PCBD2: variants seen among roughly 807,000 people sequenced by gnomAD.
PCBD2 encodes pterin-4 alpha-carbinolamine dehydratase 2.
PCBD2 carries 12 observed loss-of-function variants against 16.4 expected under a neutral mutation model. The observed-to-expected ratio is 0.73, with a 90% CI of 0.47 to 1.19. PCBD2 has a LOEUF of 1.19. PCBD2 is among the 50% of genes most tolerant of loss of function. PCBD2 has a pLI of 0.00. For synonymous variants in PCBD2, 58 were observed against 61.8 expected (o/e 0.94, Z 0.29); for missense variants, 138 against 156.8 (o/e 0.88, Z 0.64).
In PCBD2 at chr5:134,906,194, A is replaced by ATTTTT. The variant is rs1158334317; in HGVS notation, c.84+994_84+998dup. 1.3e-3 allele frequency among the ~76,000 whole-genome samples: 86 copies of ATTTTT among 66,524 alleles called. 8 individuals are homozygous for ATTTTT. The highest frequency in any genetic ancestry group is 5.4e-3 in the African/African-American group (79 of 14,664). 43.6% of individuals were successfully genotyped at this position (66,524 alleles called of 152,430 possible). ...TGGCCTGAAATTCTTTAATAGAAGA[A>ATTTTT]TTTTTTTTTTTTTTTTTTTTTTTTT... On this transcript the variant is annotated intron_variant, in intron 1 of 3. Transcript: ENST00000254908.
intron 1 of PCBD2, among the ~76,000 whole-genome samples, chr5:134,908,238 T>G (rs1750721869): frequency 1.3e-5 from 2 of 151,390 alleles, no homozygotes; most frequent in Non-Finnish European, 3.0e-5. Flanking sequence ...AATGTTTTTT[T>G]TTTTTTTTTT....
intron 2 of PCBD2, 22 bp from the exon 3 acceptor site, chr5:134,959,018 C>A (rs1371115324): frequency 8.1e-6 from 13 of 1,599,576 alleles, no homozygotes; most frequent in African/African-American, 1.3e-5. Context: ...TCAGTAATTA[C>A]TCTTGACTTC....
chr5:134,957,234 G>C (rs1317211377), intron 2 of PCBD2, among the ~76,000 whole-genome samples: 1 of 152,180 alleles, frequency 6.6e-6, no homozygotes, highest in Non-Finnish European at 1.5e-5. Context: ...ACTCCAGCCT[G>C]GGCAGCAGAG....
chr5:134,925,486 G>T (rs1047582230), intron 2 of PCBD2: 16 of 398,450 alleles, frequency 4.0e-5, no homozygotes, highest in Middle Eastern at 6.2e-4. Flanking sequence ...GTGCAGGAAT[G>T]CTAGGTGTGG....
chr5:134,924,416 G>A, intron 2 of PCBD2: 1 of 397,010 alleles, frequency 2.5e-6, no homozygotes, highest in Non-Finnish European at 4.4e-6. Context: ...GGTTGGTGAT[G>A]GAAGTAGGAT....
At chr5:134,934,959 A>G (rs1049040977) in intron 2 of PCBD2, among the ~76,000 whole-genome samples, 1 of 152,258 alleles carries the variant, frequency 6.6e-6, no homozygotes, top group African/African-American at 2.4e-5. Flanking sequence ...TTTGCTTCAT[A>G]ACTATATTTT....
At chr5:134,943,030 G>A (rs942510980) in intron 2 of PCBD2, among the ~76,000 whole-genome samples, 2 of 152,210 alleles carry the variant, frequency 1.3e-5, no homozygotes, top group African/African-American at 4.8e-5. Context: ...GGTCAGTTCT[G>A]TAACAAGCAT....
intron 2 of PCBD2, among the ~76,000 whole-genome samples, chr5:134,948,258 C>G (rs1751321197): frequency 6.6e-6 from 1 of 152,190 alleles, no homozygotes; most frequent in African/African-American, 2.4e-5. Flanking sequence ...TGAATTTAAA[C>G]TTAGGTGCAG....
chr5:134,918,146 C>T (rs563732565), intron 2 of PCBD2, among the ~76,000 whole-genome samples: 2 of 152,234 alleles, frequency 1.3e-5, no homozygotes, highest in South Asian at 2.1e-4. Flanking sequence ...GATATTCTAC[C>T]TGTGGAGGAT....
chr5:134,908,298 C>T (rs1750723146), intron 1 of PCBD2, among the ~76,000 whole-genome samples: 2 of 146,570 alleles, frequency 1.4e-5, no homozygotes, highest in Admixed American at 7.1e-5. Context: ...GGATTACAGG[C>T]GTGTGCCACC....
chr5:134,913,780 G>A (rs1274270295), intron 2 of PCBD2, among the ~76,000 whole-genome samples: 9 of 152,050 alleles, frequency 5.9e-5, no homozygotes, highest in Non-Finnish European at 1.3e-4. Flanking sequence ...AGAAATGTAG[G>A]GTTCCACATA....
At chr5:134,914,675 AT>A (rs1011685274) in intron 2 of PCBD2, among the ~76,000 whole-genome samples, 81 of 142,966 alleles carry the variant, frequency 5.7e-4, no homozygotes, top group Non-Finnish European at 5.4e-4. Flanking sequence ...GACATCATCT[AT>A]TTTTTTTTTT....
intron 2 of PCBD2, chr5:134,926,659 A>G (rs1751002235): frequency 7.6e-6 from 3 of 396,888 alleles, no homozygotes; most frequent in African/African-American, 4.1e-5. Context: ...CTATATTTAC[A>G]GGAGGAAAAC....
chr5:134,957,081 A>G (rs1215856722), intron 2 of PCBD2, among the ~76,000 whole-genome samples: 3 of 152,122 alleles, frequency 2.0e-5, no homozygotes, highest in Non-Finnish European at 4.4e-5. Flanking sequence ...TGGCCAAGAT[A>G]GTGAAACCCT....
intron 2 of PCBD2, chr5:134,925,655 T>A (rs1412703313): frequency 1.3e-5 from 5 of 397,350 alleles, no homozygotes; most frequent in Non-Finnish European, 2.2e-5. Flanking sequence ...AGTGGGTTAT[T>A]CTCTGCTAGG....
intron 2 of PCBD2, among the ~76,000 whole-genome samples, chr5:134,950,872 A>G (rs911858061): frequency 2.0e-5 from 3 of 152,222 alleles, no homozygotes; most frequent in East Asian, 1.9e-4. Context: ...TCAACAGAAC[A>G]TGGCTCATAG....
chr5:134,926,691 A>G, intron 2 of PCBD2: 1 of 397,020 alleles, frequency 2.5e-6, no homozygotes, highest in Non-Finnish European at 4.4e-6. Flanking sequence ...ATCGGGGTTG[A>G]GGGATAGGAG....
intron 2 of PCBD2, among the ~76,000 whole-genome samples, chr5:134,951,969 GA>G (rs1487078552): frequency 1.3e-5 from 2 of 151,870 alleles, no homozygotes; most frequent in Non-Finnish European, 2.9e-5. Flanking sequence ...CTGCAGTACA[GA>G]AAAAAATTTT....
chr5:134,915,038 C>T (rs543208361), intron 2 of PCBD2, among the ~76,000 whole-genome samples: 14 of 152,112 alleles, frequency 9.2e-5, no homozygotes, highest in Middle Eastern at 3.4e-3. Flanking sequence ...ATACCAGAGC[C>T]GGGCGCGGTG....
Sources: gnomAD v4.1 joint callset for allele counts (sites outside exome capture counted in the v4.1 genomes callset) on GRCh38, gnomAD v4.1.1 for gene constraint, MANE v1.5 for transcripts, NCBI Gene and HGNC (gene_info 2026-07-23, HGNC 2026-07-21) for gene names.